The following RANBP2 variants were observed in gnomAD, a reference collection of about 807,000 sequenced individuals.
RANBP2 encodes RAN binding protein 2.
A neutral mutation model predicts 303.6 loss-of-function variants in RANBP2; 57 were observed. The observed-to-expected ratio is 0.19, with a 90% CI of 0.15 to 0.23. RANBP2 has a LOEUF of 0.23. Ranked by LOEUF, RANBP2 falls within the 10% of genes least tolerant of loss-of-function variation. The pLI is 1.00. For missense variants in RANBP2, 3,138 were observed against 3,780.8 expected (o/e 0.83, Z 4.46); for synonymous variants, 1,167 against 1,301.5 (o/e 0.90, Z 2.23).
the RANBP2 span, among the ~76,000 whole-genome samples, chr2:108,881,668 G>A: frequency 1.3e-5 from 2 of 152,152 alleles, no homozygotes; most frequent in Admixed American, 1.3e-4. Flanking sequence ...GCATTTTAAG[G>A]TTATTAATTG....
chr2:109,700,821 T>C, the RANBP2 span, among the ~76,000 whole-genome samples: 1 of 151,916 alleles, frequency 6.6e-6, no homozygotes, highest in Admixed American at 6.6e-5. Context: ...ACTCAACAGA[T>C]CCGAGGAGTC....
At chr2:108,768,435 A>C (rs1677264863) in intron 20 of RANBP2, 47 bp downstream of exon 20, 5 of 1,606,964 alleles carry the variant, frequency 3.1e-6, no homozygotes, top group Non-Finnish European at 4.2e-6. Flanking sequence ...CTTTCTTTTA[A>C]TGTTTAGCTT....
At chr2:109,592,069 A>G in the RANBP2 span, among the ~76,000 whole-genome samples, 1 of 152,200 alleles carries the variant, frequency 6.6e-6, no homozygotes, top group Non-Finnish European at 1.5e-5. Flanking sequence ...ATAAGGTGTA[A>G]TCTTGCATCA....
the RANBP2 span, among the ~76,000 whole-genome samples, chr2:109,046,322 A>G: frequency 1.3e-5 from 2 of 150,710 alleles, no homozygotes; most frequent in Non-Finnish European, 3.0e-5. Flanking sequence ...AAAAAGAAAA[A>G]AAATCTGAAA....
the RANBP2 span, among the ~76,000 whole-genome samples, chr2:108,908,408 G>T: frequency 6.6e-6 from 1 of 152,192 alleles, no homozygotes; most frequent in Non-Finnish European, 1.5e-5. Flanking sequence ...AGTTCAACTG[G>T]TGTCTTCATG....
the RANBP2 span, among the ~76,000 whole-genome samples, chr2:109,692,645 C>T: frequency 1.2e-4 from 18 of 152,186 alleles, no homozygotes; most frequent in African/African-American, 4.3e-4. Flanking sequence ...TTCCCCACTG[C>T]GGCCCGGTGC....
chr2:109,677,086 T>C, the RANBP2 span, among the ~76,000 whole-genome samples: 145,290 of 152,216 alleles, frequency 0.95, 69,572 homozygotes, highest in Non-Finnish European at 0.99. Context: ...GCTCCCTTTG[T>C]TTGGCTGGAG....
the RANBP2 span, among the ~76,000 whole-genome samples, chr2:109,201,805 A>G: frequency 3.4e-4 from 52 of 152,314 alleles, no homozygotes; most frequent in African/African-American, 1.2e-3. Context: ...AATGCTGCTC[A>G]GCTGATCTCT....
the RANBP2 span, among the ~76,000 whole-genome samples, chr2:109,520,268 A>C: frequency 8.3e-4 from 127 of 152,302 alleles, 2 homozygotes; most frequent in South Asian, 0.025. Context: ...TTCAGAGCAG[A>C]AAGATAATAA....
the RANBP2 span, among the ~76,000 whole-genome samples, chr2:109,458,572 CAGAG>C: frequency 0.018 from 2,249 of 122,998 alleles, 66 homozygotes; most frequent in African/African-American, 0.053. Context: ...CAGCAGGAGA[CAGAG>C]AGAGAGAGAG....
At chr2:109,268,443 A>G in the RANBP2 span, among the ~76,000 whole-genome samples, 4 of 152,200 alleles carry the variant, frequency 2.6e-5, no homozygotes, top group East Asian at 2.0e-4. Flanking sequence ...TGTCCTGTCC[A>G]GGGGCCCAGG....
At chr2:109,490,840 C>T in the RANBP2 span, 1 of 1,536,742 alleles carries the variant, frequency 6.5e-7, no homozygotes, top group Non-Finnish European at 8.7e-7. Context: ...CACAGGAAGG[C>T]AGGCTCCTTG....
intron 17 of RANBP2, among the ~76,000 whole-genome samples, chr2:108,755,685 G>C (rs1676255160): frequency 6.6e-6 from 1 of 152,106 alleles, no homozygotes; most frequent in Non-Finnish European, 1.5e-5. Context: ...GAGCCACTGT[G>C]CCCAGCCTAC....
chr2:109,430,356 C>T, the RANBP2 span, among the ~76,000 whole-genome samples: 1 of 152,240 alleles, frequency 6.6e-6, no homozygotes, highest in East Asian at 1.9e-4. Context: ...GTTACTGATT[C>T]ACAAGCCTTC....
chr2:109,449,308 C>A, the RANBP2 span: 1 of 1,608,268 alleles, frequency 6.2e-7, no homozygotes, highest in Non-Finnish European at 8.5e-7. Context: ...AGCCACCAGC[C>A]CCCGGTGCAG....
At chr2:109,014,970 A>T in the RANBP2 span, among the ~76,000 whole-genome samples, 1 of 152,004 alleles carries the variant, frequency 6.6e-6, no homozygotes, top group Non-Finnish European at 1.5e-5. Context: ...AAATACAAAA[A>T]TTAGCCAGGC....
the RANBP2 span, among the ~76,000 whole-genome samples, chr2:109,196,577 A>G: frequency 1.3e-5 from 2 of 152,134 alleles, no homozygotes; most frequent in Admixed American, 1.3e-4. Flanking sequence ...GTGGCCCTAC[A>G]TCATGTGGCT....
the RANBP2 span, among the ~76,000 whole-genome samples, chr2:108,855,303 T>C: frequency 6.6e-6 from 1 of 152,168 alleles, no homozygotes; most frequent in Non-Finnish European, 1.5e-5. Flanking sequence ...CTTAAAAGAA[T>C]ACCATATAGT....
the RANBP2 span, among the ~76,000 whole-genome samples, chr2:109,392,969 C>T: frequency 6.6e-6 from 1 of 152,190 alleles, no homozygotes; most frequent in Non-Finnish European, 1.5e-5. Context: ...GAATCCTTCC[C>T]TCTCCACCGC....
Sources: allele counts gnomAD v4.1 joint callset (sites outside exome capture counted in the v4.1 genomes callset), GRCh38; gene constraint gnomAD v4.1.1; transcripts MANE v1.5; gene names NCBI Gene and HGNC (gene_info 2026-07-23, HGNC 2026-07-21).